UTP14A: variants seen among roughly 807,000 people sequenced by gnomAD.
UTP14A encodes U3 small nucleolar RNA-associated protein 14 homolog A.
Under a neutral mutation model 57.2 loss-of-function variants are expected in UTP14A, and 5 were observed. The ratio of observed to expected loss-of-function variants is 0.09; its 90% confidence interval spans 0.05 to 0.18. UTP14A has a LOEUF of 0.18. UTP14A is among the 10% of genes least tolerant of loss of function. The probability of loss-of-function intolerance (pLI) is 1.00; values close to 1 mark genes in which losing one functional copy is unlikely to be tolerated. For synonymous variants in UTP14A, 169 were observed against 210.9 expected, an observed-to-expected ratio of 0.80 and a Z score of 1.72; for missense variants, 430 against 562.1, an observed-to-expected ratio of 0.76 and a Z score of 2.38.
In UTP14A at chrX:129,908,653, G is replaced by A. The variant is rs963311318; in HGVS notation, c.174-17G>A. On this transcript the variant is annotated splice_polypyrimidine_tract_variant and intron_variant, in intron 3 of 14. Coordinates refer to ENST00000394422, the MANE Select transcript of UTP14A (RefSeq NM_006649.4). The stretch of plus-strand genomic sequence containing the variant: ...AAAATTTATTCATTCCTATTATATC[G>A]TTTTGCCTAATTTCAGGCGGAAATT... 6 of 1,205,410 alleles carry A rather than the reference G, an allele frequency of 5.0e-6. No homozygotes were observed. The highest frequency in any genetic ancestry group is 3.0e-5 in the East Asian group (1 of 33,738).
At chrX:129,909,783 C>A (rs769914801) in intron 4 of UTP14A, among the ~76,000 whole-genome samples, 32 of 112,025 alleles carry the variant, frequency 2.9e-4, no homozygotes, top group Non-Finnish European at 5.8e-4. Context: ...AAATCTTTTT[C>A]ACCCTGTTCA....
At chrX:129,923,795 T>C (rs1012695439) in intron 11 of UTP14A, among the ~76,000 whole-genome samples, 4 of 111,034 alleles carry the variant, frequency 3.6e-5, no homozygotes, top group Non-Finnish European at 7.5e-5. Context: ...TGAAGTTACA[T>C]TGAGAAGCCA....
At chrX:129,917,908 ACT>A (rs1929749952) in intron 6 of UTP14A, among the ~76,000 whole-genome samples, 1 of 111,155 alleles carries the variant, frequency 9.0e-6, no homozygotes, top group African/African-American at 3.3e-5. Context: ...ACATTTGAAG[ACT>A]CTGCCAAAAA....
At chrX:129,914,382 G>T (rs1273145622) in intron 6 of UTP14A, among the ~76,000 whole-genome samples, 9 of 110,911 alleles carry the variant, frequency 8.1e-5, no homozygotes, top group African/African-American at 2.0e-4. Context: ...TTCAAGACCA[G>T]CCTGGCCAAC....
chrX:129,916,377 C>G (rs1055497776), intron 6 of UTP14A, among the ~76,000 whole-genome samples: 2 of 111,087 alleles, frequency 1.8e-5, no homozygotes, highest in Admixed American at 1.9e-4. Context: ...TTCGCATTTC[C>G]TTTCCCCAGA....
chrX:129,925,473 A>AG (rs1443667468), intron 12 of UTP14A, among the ~76,000 whole-genome samples: 1 of 112,035 alleles, frequency 8.9e-6, no homozygotes. Context: ...ACCAGATCCC[A>AG]GGCAGGACAA....
chrX:129,918,697 GA>G (rs1929790056), intron 6 of UTP14A, among the ~76,000 whole-genome samples: 1 of 110,513 alleles, frequency 9.0e-6, no homozygotes, highest in African/African-American at 3.3e-5. Flanking sequence ...CTAACACGGT[GA>G]AACCCTGTCT....
chrX:129,910,489 G>A (rs1929425634), intron 4 of UTP14A, among the ~76,000 whole-genome samples: 1 of 110,906 alleles, frequency 9.0e-6, no homozygotes, highest in Admixed American at 9.6e-5. Context: ...ATTTGAGGCT[G>A]GCCTGGGCAA....
chrX:129,910,973 T>A, intron 4 of UTP14A, 35 bp from the exon 5 acceptor site: 1 of 1,205,389 alleles, frequency 8.3e-7, no homozygotes. Flanking sequence ...TTGTCTCACT[T>A]CTTGGTCTGA....
rs1185409074 is a variant in UTP14A at position 129,906,187 on chromosome X, A to C, written c.-24A>C. 8.3e-7 allele frequency: 1 copy of C among 1,210,366 alleles called. No homozygotes were observed. Among genetic ancestry groups the C allele is most frequent in the South Asian group, 1.8e-5 (1 of 56,951 alleles). On this transcript the variant is annotated 5_prime_UTR_variant, in exon 1 of 15. It removes an upstream start codon present in the reference 5' UTR. Transcript: ENST00000394422. ...TTCCTTCGGCTTCCGTTCTTGGTCC[A>C]TGTGAGAGAAGCTGGCTGCTGAAAT...
chrX:129,921,496 T>A lies in UTP14A; in HGVS notation c.1257T>A (p.Ile419=). ...AAAGACCAGTGGCAGAAGAAGAAAT[T>A]TTGTTGAGAGAATTTGAGGAAAGGC... ...GEERPVAEEE[I]LLREFEERRS... The change falls in exon 11 of 15, where the codon ATT becomes ATA. Residue 419 remains isoleucine (I), a synonymous_variant. Transcript: ENST00000394422. The A allele has an allele frequency of 8.3e-7, 1 of 1,210,751 alleles. No homozygotes were observed. Among genetic ancestry groups the A allele is most frequent in the Non-Finnish European group, 1.1e-6 (1 of 895,272 alleles).
chrX:129,908,807 C>G (rs1053947408), intron 4 of UTP14A, 73 bp downstream of exon 4: 46 of 981,741 alleles, frequency 4.7e-5, no homozygotes, highest in Middle Eastern at 2.6e-4. Context: ...CACCTCACCC[C>G]CCCTAGGAAC....
chrX:129,919,500 C>A lies in UTP14A; in HGVS notation c.752+11C>A, dbSNP rs1017298504. ...AATCAAAAGTAAAAAGTAAGGAGGCCCCTGTGAACTGGCCTTGGGTTCCAC... is the reference window on the plus strand; with the variant it reads ...AATCAAAAGTAAAAAGTAAGGAGGCACCTGTGAACTGGCCTTGGGTTCCAC... On this transcript the variant is annotated intron_variant, in intron 8 of 14. Transcript: ENST00000394422. 1 of 1,207,581 alleles carries A rather than the reference C, an allele frequency of 8.3e-7. No homozygotes were observed. Among genetic ancestry groups the A allele is most frequent in the Non-Finnish European group, 1.1e-6 (1 of 893,116 alleles).
chrX:129,916,119 A>G (rs982479114), intron 6 of UTP14A, among the ~76,000 whole-genome samples: 2 of 109,272 alleles, frequency 1.8e-5, no homozygotes, highest in Non-Finnish European at 3.8e-5. Context: ...ACGCCCAGCT[A>G]ATTTTTTGTA....
At chrX:129,918,058 G>T (rs1929755369) in intron 6 of UTP14A, among the ~76,000 whole-genome samples, 1 of 111,761 alleles carries the variant, frequency 8.9e-6, no homozygotes, top group African/African-American at 3.2e-5. Flanking sequence ...ATATGTCCTA[G>T]GTATACCATC....
intron 11 of UTP14A, among the ~76,000 whole-genome samples, chrX:129,924,537 G>A (rs181113569): frequency 4.9e-3 from 541 of 110,133 alleles, no homozygotes; most frequent in African/African-American, 0.016. Context: ...TGCCCGCCTC[G>A]GCCTCCCAAA....
chrX:129,912,775 A>C (rs1166390697), intron 6 of UTP14A, among the ~76,000 whole-genome samples: 1 of 111,938 alleles, frequency 8.9e-6, no homozygotes, highest in African/African-American at 3.2e-5. Context: ...TTTCCCAAAC[A>C]CTGACCCCTA....
rs1256869808 is a variant in UTP14A at position 129,921,483 on chromosome X, C to T, written c.1244C>T (p.Ala415Val). The part of the protein sequence containing the change: ...SESEGEERPV[A>V]EEEILLREFE... The stretch of plus-strand genomic sequence containing the variant: ...AGTGAGGGAGAAGAAAGACCAGTGG[C>T]AGAAGAAGAAATTTTGTTGAGAGAA... The change falls in exon 11 of 15, where the codon GCA (alanine) becomes GTA (valine). Residue 415 changes from alanine (A) to valine (V), a missense_variant. By Grantham distance (64) the Ala-to-Val change is moderately conservative. This residue lies in a region of UTP14A where 120 missense variants were observed against 116.8 expected (regional missense o/e 1.03). Transcript: ENST00000394422. The T allele has an allele frequency of 1.3e-5, 16 of 1,209,584 alleles. No homozygotes were observed. The highest frequency in any genetic ancestry group is 1.8e-5 in the Non-Finnish European group (16 of 895,247).
intron 4 of UTP14A, among the ~76,000 whole-genome samples, chrX:129,910,057 G>C (rs112888811): frequency 0.074 from 8,305 of 111,616 alleles, 723 homozygotes; most frequent in African/African-American, 0.25. Flanking sequence ...AGATCGGTTG[G>C]TCATGAAAGG....
Sources: gnomAD v4.1 joint callset for allele counts (sites outside exome capture counted in the v4.1 genomes callset) on GRCh38, gnomAD v4.1.1 for gene constraint, gnomAD v4.1.1 regional missense constraint, MANE v1.5 for transcripts, NCBI Gene and HGNC (gene_info 2026-07-23, HGNC 2026-07-21) for gene names.